Variants in CD38 observed in about 807,000 individuals in gnomAD.
CD38 encodes ADP-ribosyl cyclase/cyclic ADP-ribose hydrolase 1.
A neutral mutation model predicts 36.3 loss-of-function variants in CD38; 31 were observed. That is an observed-to-expected ratio of 0.85 (90% confidence interval 0.64 to 1.15). CD38 has a LOEUF of 1.15. Among genes scored for constraint, CD38 ranks in the 50% most tolerant of loss-of-function variants. CD38 has a pLI of 0.00. For synonymous variants in CD38, 131 were observed against 135.2 expected (o/e 0.97, Z 0.22); for missense variants, 380 against 371.9 (o/e 1.02, Z -0.18).
rs1197165165 is a variant in CD38, at chr4:15,816,123, CGTG to C, written c.234-383_234-381del. 3.9e-5 allele frequency among the ~76,000 whole-genome samples: 6 copies of C among 152,106 alleles called. 1 individual carries two copies. Among genetic ancestry groups the C allele is most frequent in the Non-Finnish European group, 1.5e-5 (1 of 68,032 alleles). On this transcript the variant is annotated intron_variant, in intron 1 of 7. Coordinates refer to ENST00000226279, the MANE Select transcript of CD38 (RefSeq NM_001775.4). ...ATCCCAGAGATGAAGCCAACTTGAT[CGTG>C]GTGGATAAGCTTTTTGATGTGCTGC...
chr4:15,783,936 A>ACT (rs1485800287), intron 1 of CD38, among the ~76,000 whole-genome samples: 1 of 152,148 alleles, frequency 6.6e-6, no homozygotes, highest in East Asian at 1.9e-4. Context: ...AACACTTAGC[A>ACT]AAGACTTAGC....
chr4:15,794,184 A>G (rs1167771277), intron 1 of CD38, among the ~76,000 whole-genome samples: 1 of 152,202 alleles, frequency 6.6e-6, no homozygotes, highest in Non-Finnish European at 1.5e-5. Context: ...CAGCATATCC[A>G]TGCTGCATGT....
chr4:15,790,345 GTTT>G (rs879373376), intron 1 of CD38, among the ~76,000 whole-genome samples: 1 of 134,384 alleles, frequency 7.4e-6, no homozygotes, highest in Non-Finnish European at 1.6e-5. Context: ...ACTGGTTTTC[GTTT>G]TTTTTTTTTG....
intron 1 of CD38, among the ~76,000 whole-genome samples, chr4:15,810,380 G>A (rs1723442922): frequency 6.6e-6 from 1 of 152,110 alleles, no homozygotes; most frequent in African/African-American, 2.4e-5. Flanking sequence ...CTTTTGTAGT[G>A]GAAAATTATC....
intron 6 of CD38, 138 bp from the exon 7 acceptor site, chr4:15,840,314 C>T: frequency 1.4e-6 from 1 of 725,808 alleles, no homozygotes; most frequent in Admixed American, 2.4e-5. Context: ...TCCTGCTGAC[C>T]CAGGAGCTCT....
At position 15,840,462 on chromosome 4, in the gene CD38, C is replaced by A; in HGVS notation, c.763C>A (p.Gln255Lys). The A allele has an allele frequency of 6.3e-7, 1 of 1,597,414 alleles. No individual in the cohort carries two copies. The highest frequency in any genetic ancestry group is 8.6e-7 in the Non-Finnish European group (1 of 1,167,004). The change falls in exon 7 of 8, where the codon CAG becomes AAG. Residue 255 changes from glutamine to lysine, a missense_variant. Gln to Lys is a moderately conservative substitution (Grantham distance 53, BLOSUM62 1). Coordinates refer to ENST00000226279, the MANE Select transcript of CD38 (RefSeq NM_001775.4). ...GGREDSRDLCQDPTIKELESI... is the reference protein window; with the variant it reads ...GGREDSRDLCKDPTIKELESI... ...TTCTTTCTTCCCCAGAGACTTATGC[C>A]AGGATCCCACCATAAAAGAGCTGGA... is the stretch of plus-strand genomic sequence containing the variant.
At position 15,840,447 on chromosome 4, in the gene CD38, C is replaced by T. The variant is rs1374670293; in HGVS notation, c.753-5C>T. ...AATTTTAATACTTTCTTCTTTCTTCCCCAGAGACTTATGCCAGGATCCCAC... is the reference window on the plus strand; with the variant it reads ...AATTTTAATACTTTCTTCTTTCTTCTCCAGAGACTTATGCCAGGATCCCAC... On this transcript the variant is annotated splice_polypyrimidine_tract_variant and splice_region_variant and intron_variant, in intron 6 of 7. Coordinates refer to ENST00000226279, the MANE Select transcript of CD38 (RefSeq NM_001775.4). 10 of 1,567,916 alleles carry T rather than the reference C, an allele frequency of 6.4e-6. No homozygotes were observed. Among genetic ancestry groups the T allele is most frequent in the Non-Finnish European group, 8.7e-6 (10 of 1,145,600 alleles).
chr4:15,821,634 G>C (rs1723736981), intron 2 of CD38, among the ~76,000 whole-genome samples: 1 of 144,926 alleles, frequency 6.9e-6, no homozygotes, highest in South Asian at 2.3e-4. Flanking sequence ...CCAGGAAGAA[G>C]TTGAGTTCCT....
chr4:15,805,162 C>CT (rs1723314328), intron 1 of CD38, among the ~76,000 whole-genome samples: 1 of 152,050 alleles, frequency 6.6e-6, no homozygotes, highest in Non-Finnish European at 1.5e-5. Context: ...AAAATATTTT[C>CT]TTTCATTTTA....
chr4:15,809,924 A>G (rs559975145), intron 1 of CD38, among the ~76,000 whole-genome samples: 1 of 152,300 alleles, frequency 6.6e-6, no homozygotes, highest in African/African-American at 2.4e-5. Context: ...CAACAAAAAA[A>G]TTGACTCGCA....
intron 1 of CD38, among the ~76,000 whole-genome samples, chr4:15,803,820 T>C (rs901769314): frequency 6.6e-6 from 1 of 151,868 alleles, no homozygotes; most frequent in African/African-American, 2.4e-5. Flanking sequence ...CCTCCTCTTA[T>C]ACTCCCCAGT....
chr4:15,780,526 A>ACACGCG (rs201964723), intron 1 of CD38, among the ~76,000 whole-genome samples: 2 of 139,276 alleles, frequency 1.4e-5, no homozygotes, highest in African/African-American at 5.2e-5. Context: ...TCTCACACAC[A>ACACGCG]CACACACACA....
intron 2 of CD38, among the ~76,000 whole-genome samples, chr4:15,821,251 T>C (rs1307542314): frequency 6.6e-6 from 1 of 152,006 alleles, no homozygotes; most frequent in Non-Finnish European, 1.5e-5. Flanking sequence ...AGATATCAAA[T>C]TGACATCCTA....
At chr4:15,783,889 T>C (rs1048578989) in intron 1 of CD38, among the ~76,000 whole-genome samples, 4 of 152,230 alleles carry the variant, frequency 2.6e-5, no homozygotes, top group Non-Finnish European at 5.9e-5. Flanking sequence ...CAGCAAAACT[T>C]GTTAGTACAA....
At chr4:15,809,566 A>G (rs980189151) in intron 1 of CD38, among the ~76,000 whole-genome samples, 12 of 152,100 alleles carry the variant, frequency 7.9e-5, no homozygotes, top group Admixed American at 4.6e-4. Flanking sequence ...AGCTTTTCCA[A>G]AGCTCTTCAG....
At chr4:15,830,381 G>T (rs1723935340) in intron 3 of CD38, among the ~76,000 whole-genome samples, 2 of 152,122 alleles carry the variant, frequency 1.3e-5, no homozygotes, top group Non-Finnish European at 2.9e-5. Flanking sequence ...TTTGCCATTT[G>T]TATGTCTTCT....
chr4:15,836,810 C>T (rs1423206147), intron 4 of CD38, among the ~76,000 whole-genome samples: 1 of 152,184 alleles, frequency 6.6e-6, no homozygotes, highest in Admixed American at 6.5e-5. Flanking sequence ...AACAGAAAAA[C>T]AGCCTGGAAG....
chr4:15,825,584 C>T (rs1410150368), intron 3 of CD38: 1 of 152,254 alleles, frequency 6.6e-6, no homozygotes, highest in Admixed American at 6.5e-5. Flanking sequence ...AATGGCAACT[C>T]AGGCTGATAT....
chr4:15,779,510 G>C (rs1722643042), intron 1 of CD38, among the ~76,000 whole-genome samples: 1 of 150,612 alleles, frequency 6.6e-6, no homozygotes, highest in South Asian at 2.1e-4. Flanking sequence ...AAGGCAGGCA[G>C]GGGGAGCTGC....
Sources: allele counts gnomAD v4.1 joint callset (sites outside exome capture counted in the v4.1 genomes callset), GRCh38; gene constraint gnomAD v4.1.1; transcripts MANE v1.5; gene names NCBI Gene and HGNC (gene_info 2026-07-23, HGNC 2026-07-21).